Variants in ATG7 observed in about 807,000 individuals in gnomAD.
ATG7 encodes ubiquitin-like modifier-activating enzyme ATG7.
Under a neutral mutation model 82.4 loss-of-function variants are expected in ATG7, and 70 were observed. That is an observed-to-expected ratio of 0.85 (90% CI 0.70 to 1.04). ATG7 has a LOEUF of 1.04. ATG7 is among the 50% of genes least tolerant of loss of function. The pLI is 0.00. For missense variants in ATG7, 792 were observed against 864.3 expected, an observed-to-expected ratio of 0.92 and a Z score of 1.05; for synonymous variants, 287 against 313.0, an observed-to-expected ratio of 0.92 and a Z score of 0.88.
intron 20 of ATG7, among the ~76,000 whole-genome samples, chr3:11,534,856 T>A (rs1370856911): frequency 6.6e-6 from 1 of 152,236 alleles, no homozygotes; most frequent in East Asian, 1.9e-4. Context: ...TCAGCTCTTC[T>A]TCCCCAGGCT....
intron 18 of ATG7, among the ~76,000 whole-genome samples, chr3:11,374,617 A>T (rs372210117): frequency 1.3e-5 from 2 of 152,326 alleles, no homozygotes; most frequent in South Asian, 2.1e-4. Flanking sequence ...TCAAGAAAGC[A>T]CAAAAAGTCC....
At chr3:11,438,733 A>G (rs113782018) in intron 20 of ATG7, among the ~76,000 whole-genome samples, 1 of 152,122 alleles carries the variant, frequency 6.6e-6, no homozygotes, top group Non-Finnish European at 1.5e-5. Context: ...TTTGCTGGGT[A>G]GGAGAGGTTT....
intron 20 of ATG7, among the ~76,000 whole-genome samples, chr3:11,523,689 A>C (rs1045548348): frequency 6.6e-6 from 1 of 152,250 alleles, no homozygotes; most frequent in East Asian, 1.9e-4. Context: ...CAAGCAACAA[A>C]GGTTTTAAAA....
At chr3:11,334,610 T>A (rs967331974) in intron 11 of ATG7, among the ~76,000 whole-genome samples, 24 of 149,824 alleles carry the variant, frequency 1.6e-4, no homozygotes, top group Non-Finnish European at 2.2e-4. Flanking sequence ...TCTTTCCTTA[T>A]GCCATAGATA....
chr3:11,428,398 AT>A (rs11293673), intron 20 of ATG7, among the ~76,000 whole-genome samples: 125,711 of 152,164 alleles, frequency 0.83, 52,144 homozygotes, highest in East Asian at 1. Context: ...AGATTGTGAG[AT>A]TTTTCAGGTA....
At chr3:11,522,746 C>G (rs760235360) in intron 20 of ATG7, among the ~76,000 whole-genome samples, 1 of 152,174 alleles carries the variant, frequency 6.6e-6, no homozygotes, top group Non-Finnish European at 1.5e-5. Flanking sequence ...AAATCGTAAC[C>G]TTCAAAATCG....
chr3:11,544,483 G>A (rs913735656), intron 20 of ATG7, among the ~76,000 whole-genome samples: 1 of 152,238 alleles, frequency 6.6e-6, no homozygotes, highest in Non-Finnish European at 1.5e-5. Context: ...TGTCCCTGTG[G>A]CCTCTGGCCC....
intron 20 of ATG7, among the ~76,000 whole-genome samples, chr3:11,553,166 C>T (rs752988039): frequency 6.6e-5 from 10 of 152,174 alleles, no homozygotes; most frequent in South Asian, 2.1e-4. Flanking sequence ...CCAGGCAGCC[C>T]GCCCCGCCCT....
intron 20 of ATG7, among the ~76,000 whole-genome samples, chr3:11,531,869 A>G (rs999699856): frequency 0.031 from 218 of 6,938 alleles, no homozygotes; most frequent in African/African-American, 0.071. Flanking sequence ...TGTCTCAGGA[A>G]AAAAAAAAAA....
At chr3:11,564,926 G>A in the ATG7 span, 66 of 1,592,192 alleles carry the variant, frequency 4.1e-5, no homozygotes, top group Admixed American at 2.5e-4. Context: ...GGTGGCTGCC[G>A]TGCAGGCTCA....
chr3:11,365,209 G>A (rs1388572519), intron 18 of ATG7, among the ~76,000 whole-genome samples: 1 of 152,118 alleles, frequency 6.6e-6, no homozygotes, highest in Non-Finnish European at 1.5e-5. Context: ...TATATCATAG[G>A]CCCTCAACAA....
chr3:11,482,954 A>C (rs2089189733), intron 20 of ATG7, among the ~76,000 whole-genome samples: 1 of 151,858 alleles, frequency 6.6e-6, no homozygotes, highest in Non-Finnish European at 1.5e-5. Context: ...TGAGCCCCTT[A>C]CAGTCAGTAC....
rs1429570726 is a variant in ATG7 at position 11,442,747 on chromosome 3, A to C, written c.2079+15821A>C. On this transcript the variant is annotated intron_variant, in intron 20 of 20. Transcript: ENST00000693202. ...GTGAGACTCCATCTCTACAAAAAAA[A>C]AAAAAAAAAAAAAAAAAAAAAAAAT... Among the ~76,000 whole-genome samples, 131 of 136,740 alleles carry C rather than the reference A, an allele frequency of 9.6e-4. 4 individuals are homozygous for C. The highest frequency in any genetic ancestry group is 7.0e-3 in the Middle Eastern group (2 of 284). The allele number at this position is 136,740 out of a possible 152,430, so 89.7% of individuals were successfully genotyped here.
chr3:11,508,202 T>C (rs1013749675), intron 20 of ATG7, among the ~76,000 whole-genome samples: 4 of 152,152 alleles, frequency 2.6e-5, no homozygotes, highest in Non-Finnish European at 5.9e-5. Context: ...CAGGCCCCTA[T>C]GGTGGTGCCA....
chr3:11,568,779 G>A, the ATG7 span: 2 of 1,480,156 alleles, frequency 1.4e-6, no homozygotes, highest in Non-Finnish European at 1.8e-6. The surrounding 1 kb of genome is among the most constrained non-coding windows in gnomAD (Gnocchi z 5.9). Flanking sequence ...TCCGCTCCTG[G>A]TCAGGACTGT....
intron 19 of ATG7, among the ~76,000 whole-genome samples, chr3:11,396,112 G>A (rs1006149111): frequency 1.4e-5 from 2 of 140,036 alleles, no homozygotes; most frequent in African/African-American, 5.3e-5. Context: ...TAAATCAGAA[G>A]TATAGGAAAA....
chr3:11,377,632 A>G (rs927487429), intron 18 of ATG7, among the ~76,000 whole-genome samples: 1 of 152,218 alleles, frequency 6.6e-6, no homozygotes, highest in African/African-American at 2.4e-5. Flanking sequence ...GCATGCAGAA[A>G]CCTTTCCATG....
intron 20 of ATG7, among the ~76,000 whole-genome samples, chr3:11,463,692 G>T (rs58345843): frequency 3.0e-4 from 45 of 152,330 alleles, no homozygotes; most frequent in African/African-American, 1.0e-3. Context: ...GATAGGAACA[G>T]GTTCTCTCCC....
chr3:11,542,261 T>C lies in ATG7; in HGVS notation c.2080-12550T>C, dbSNP rs80068344. 4.9e-4 allele frequency among the ~76,000 whole-genome samples: 75 copies of C among 152,292 alleles called. No individual in the cohort carries two copies. The East Asian group carries it at 0.013, about 27-fold the overall frequency. ...TAGGCAGTAAACACTCCAGGAGAGA[T>C]CGTGTAGATATTGGTGCTTATTTAG... is the stretch of plus-strand genomic sequence containing the variant. On this transcript the variant is annotated intron_variant, in intron 20 of 20. Transcript: ENST00000693202.
Sources: allele counts gnomAD v4.1 joint callset (sites outside exome capture counted in the v4.1 genomes callset), GRCh38; gene constraint gnomAD v4.1.1; non-coding constraint Gnocchi (gnomAD v3.1); transcripts MANE v1.5; gene names NCBI Gene and HGNC (gene_info 2026-07-23, HGNC 2026-07-21).